The following FAM13C variants were observed in gnomAD, a reference collection of about 807,000 sequenced individuals.
The protein encoded by FAM13C is family with sequence similarity 13 member C, also known as protein FAM13C.
In FAM13C, 37 loss-of-function variants were observed where a neutral mutation model predicts 73.2. The observed-to-expected ratio is 0.51, with a 90% CI of 0.39 to 0.67. The LOEUF (loss-of-function observed/expected upper bound fraction) is 0.67. Among genes scored for constraint, FAM13C ranks in the 30% least tolerant of loss-of-function variants. The probability of loss-of-function intolerance (pLI) is 0.00; values close to 1 mark genes in which losing one functional copy is unlikely to be tolerated. For synonymous variants in FAM13C, 246 were observed against 260.9 expected (o/e 0.94, Z 0.55); for missense variants, 589 against 715.6 (o/e 0.82, Z 2.02).
At chr10:59,248,334 TGTG>T (rs1263024728) in intron 13 of FAM13C, among the ~76,000 whole-genome samples, 1 of 152,176 alleles carries the variant, frequency 6.6e-6, no homozygotes, top group East Asian at 1.9e-4. Context: ...GAGTCTAAAT[TGTG>T]GTGGTTCTCT....
intron 9 of FAM13C, among the ~76,000 whole-genome samples, chr10:59,263,179 G>C (rs1842690326): frequency 6.6e-6 from 1 of 152,014 alleles, no homozygotes; most frequent in Non-Finnish European, 1.5e-5. Context: ...TAAGATCCAG[G>C]AATTATTACA....
intron 10 of FAM13C, 24 bp from the exon 11 acceptor site, chr10:59,254,467 T>C: frequency 7.4e-7 from 1 of 1,350,270 alleles, no homozygotes; most frequent in Non-Finnish European, 9.9e-7. Context: ...AATTAATTAT[T>C]ATTCCTCTCT....
At chr10:59,289,594 G>A (rs535653637) in intron 5 of FAM13C, among the ~76,000 whole-genome samples, 3 of 152,328 alleles carry the variant, frequency 2.0e-5, no homozygotes, top group Admixed American at 6.5e-5. Flanking sequence ...GGGGCTTCCA[G>A]TCTAGTGGGA....
At chr10:59,283,786 C>CA (rs1440619925) in intron 5 of FAM13C, 1 of 506,358 alleles carries the variant, frequency 2.0e-6, no homozygotes, top group Non-Finnish European at 3.5e-6. Flanking sequence ...TCTGGAGAAC[C>CA]AATCTGAGAA....
chr10:59,316,042 GTC>G (rs1354969618), intron 4 of FAM13C, among the ~76,000 whole-genome samples: 1 of 53,782 alleles, frequency 1.9e-5, no homozygotes, highest in Non-Finnish European at 3.6e-5. Flanking sequence ...AGATTCTCAT[GTC>G]TCAGCCTCCC....
chr10:59,291,842 G>A (rs1157331558), intron 5 of FAM13C, among the ~76,000 whole-genome samples: 3 of 137,188 alleles, frequency 2.2e-5, no homozygotes, highest in African/African-American at 8.3e-5. Flanking sequence ...AGGCTGGAGT[G>A]CAGTGGTGTG....
At chr10:59,294,924 T>C (rs140557467) in intron 5 of FAM13C, among the ~76,000 whole-genome samples, 247 of 152,330 alleles carry the variant, frequency 1.6e-3, no homozygotes, top group African/African-American at 2.6e-3. Flanking sequence ...TTGGAGATCA[T>C]GCTTCCAGAG....
Position 59,324,011 on chromosome 10 carries a change from T to C in FAM13C, c.420A>G (p.Gln140=). The C allele has an allele frequency of 6.2e-7, 1 of 1,614,088 alleles. No individual in the cohort carries two copies. The highest frequency in any genetic ancestry group is 8.5e-7 in the Non-Finnish European group (1 of 1,179,954). ...ACCTTGGTTGAAGTCGCACTGTTTC[T>C]TGGCACTTGAAGGCATTGTTTTGTG... ...ESPQNNAFKC[Q]ETVRLQPRID... Residue 140 remains glutamine, a synonymous_variant, in exon 4 of 14, where the codon CAA becomes CAG. Coordinates refer to ENST00000618804, the MANE Select transcript of FAM13C (RefSeq NM_198215.4).
intron 2 of FAM13C, 58 bp from the exon 3 acceptor site, chr10:59,352,532 G>C: frequency 6.8e-7 from 1 of 1,475,778 alleles, no homozygotes; most frequent in Non-Finnish European, 9.1e-7. Context: ...ATAAACTGCT[G>C]CAGGAAAGAG....
At chr10:59,296,639 T>C (rs529428936) in intron 5 of FAM13C, among the ~76,000 whole-genome samples, 2 of 152,338 alleles carry the variant, frequency 1.3e-5, no homozygotes, top group Non-Finnish European at 2.9e-5. Context: ...TGCATGCTAG[T>C]AATTTATTAC....
chr10:59,287,056 G>A (rs1400664926), intron 5 of FAM13C, among the ~76,000 whole-genome samples: 2 of 138,116 alleles, frequency 1.4e-5, no homozygotes, highest in Admixed American at 7.3e-5. Flanking sequence ...AAAAAAAAAG[G>A]CCAGGTGTGG....
intron 4 of FAM13C, among the ~76,000 whole-genome samples, chr10:59,322,988 C>T (rs937656241): frequency 6.6e-6 from 1 of 152,188 alleles, no homozygotes; most frequent in Non-Finnish European, 1.5e-5. Flanking sequence ...AGCACCTTAC[C>T]TTTGAGGTCC....
intron 12 of FAM13C, 72 bp from the exon 13 acceptor site, chr10:59,251,748 T>C (rs1200936978): frequency 8.5e-7 from 1 of 1,182,306 alleles, no homozygotes; most frequent in African/African-American, 1.6e-5. Flanking sequence ...CAGATTTATC[T>C]GTTCAGCCAA....
Position 59,270,072 on chromosome 10 carries a change from G to T in FAM13C, c.630C>A (p.Ala210=). The change falls in exon 7 of 14, where the codon GCC becomes GCA. Residue 210 remains alanine (A), a synonymous_variant. Coordinates refer to ENST00000618804, the MANE Select transcript of FAM13C (RefSeq NM_198215.4). ...AGTGGAGGTCTTCTGGTGCACTGTC[G>T]GCCTCATTCTGCCCATCTTTGTGGA... ...SPVHKDGQNE[A]DSAPEDLHSV... The T allele has an allele frequency of 1.9e-6, 3 of 1,613,442 alleles. No homozygotes were observed. The highest frequency in any genetic ancestry group is 2.5e-6 in the Non-Finnish European group (3 of 1,179,740).
chr10:59,305,500 C>A (rs1848151018), intron 4 of FAM13C, among the ~76,000 whole-genome samples: 2 of 152,160 alleles, frequency 1.3e-5, no homozygotes. Flanking sequence ...TACTATTCTG[C>A]TCCAATTTGC....
intron 10 of FAM13C, among the ~76,000 whole-genome samples, chr10:59,259,076 C>A (rs1842223414): frequency 6.6e-6 from 1 of 152,110 alleles, no homozygotes; most frequent in Admixed American, 6.6e-5. Context: ...CACTACAGTT[C>A]AGCTCAGGGG....
At chr10:59,255,253 C>T (rs1020403004) in intron 10 of FAM13C, among the ~76,000 whole-genome samples, 3 of 152,124 alleles carry the variant, frequency 2.0e-5, no homozygotes, top group African/African-American at 7.2e-5. Context: ...CAATTTCCTA[C>T]CTATACAAGA....
chr10:59,347,890 TG>T (rs1290492544), intron 3 of FAM13C, among the ~76,000 whole-genome samples: 1 of 152,190 alleles, frequency 6.6e-6, no homozygotes, highest in East Asian at 1.9e-4. Flanking sequence ...TATTCCATGG[TG>T]TATATGTGCC....
chr10:59,361,456 AAACTCATAACAT>A (rs1856400196), intron 1 of FAM13C, among the ~76,000 whole-genome samples: 1 of 152,152 alleles, frequency 6.6e-6, no homozygotes, highest in Non-Finnish European at 1.5e-5. Flanking sequence ...CTTCTACATC[AAACTCATAACAT>A]TTTTTAAATG....
Sources: allele counts gnomAD v4.1 joint callset (sites outside exome capture counted in the v4.1 genomes callset), GRCh38; gene constraint gnomAD v4.1.1; transcripts MANE v1.5; gene names NCBI Gene and HGNC (gene_info 2026-07-23, HGNC 2026-07-21).